Variants in DMD observed in about 807,000 individuals in gnomAD.
DMD encodes mutant dystrophin.
A neutral mutation model predicts 330.1 loss-of-function variants in DMD; 63 were observed. The ratio of observed to expected loss-of-function variants is 0.19; its 90% CI spans 0.16 to 0.24. The LOEUF (loss-of-function observed/expected upper bound fraction) is 0.24. Among genes scored for constraint, DMD ranks in the 10% least tolerant of loss-of-function variants. The probability of loss-of-function intolerance (pLI) is 1.00; values close to 1 mark genes in which losing one functional copy is unlikely to be tolerated. For synonymous variants in DMD, 1,223 were observed against 959.8 expected, an observed-to-expected ratio of 1.27 and a Z score of -5.07; for missense variants, 3,344 against 2,684.1, an observed-to-expected ratio of 1.25 and a Z score of -5.43.
intron 49 of DMD, among the ~76,000 whole-genome samples, chrX:31,830,167 C>T (rs2092989693): frequency 8.9e-6 from 1 of 112,688 alleles, no homozygotes; most frequent in Middle Eastern, 4.2e-3. Flanking sequence ...AAATCTTTAG[C>T]AATCATTCCT....
intron 47 of DMD, among the ~76,000 whole-genome samples, chrX:31,909,792 T>G (rs187892265): frequency 1.7e-3 from 186 of 112,579 alleles, no homozygotes; most frequent in Non-Finnish European, 2.8e-3. Flanking sequence ...ATAGTTTTCT[T>G]TCGTTTTTCT....
chrX:33,258,734 A>G (rs1419715564), intron 1 of DMD, among the ~76,000 whole-genome samples: 1 of 111,055 alleles, frequency 9.0e-6, no homozygotes, highest in Non-Finnish European at 1.9e-5. Context: ...ATCATTTTAC[A>G]CAGTCACTCC....
chrX:32,371,980 T>C (rs1350796236), intron 34 of DMD, among the ~76,000 whole-genome samples: 1 of 111,626 alleles, frequency 9.0e-6, no homozygotes, highest in African/African-American at 3.2e-5. Flanking sequence ...TAAGCTTAGA[T>C]TACTTTAAAA....
chrX:32,094,644 C>T (rs2096494681), intron 44 of DMD, among the ~76,000 whole-genome samples: 1 of 111,910 alleles, frequency 8.9e-6, no homozygotes, highest in African/African-American at 3.2e-5. Context: ...CATTCTATCA[C>T]TTTGCATAGG....
chrX:32,558,309 G>A (rs976800264), intron 16 of DMD, among the ~76,000 whole-genome samples: 1 of 111,720 alleles, frequency 9.0e-6, no homozygotes, highest in Non-Finnish European at 1.9e-5. Flanking sequence ...GATCCATCTG[G>A]CCTTCCTCTA....
At chrX:32,440,484 G>A (rs1231292594) in intron 28 of DMD, among the ~76,000 whole-genome samples, 1 of 111,090 alleles carries the variant, frequency 9.0e-6, no homozygotes, top group Non-Finnish European at 1.9e-5. Flanking sequence ...TAGATTTACA[G>A]AGGGGCTATA....
chrX:33,010,315 T>C (rs1253379485), intron 2 of DMD, among the ~76,000 whole-genome samples: 1 of 107,377 alleles, frequency 9.3e-6, no homozygotes, highest in African/African-American at 3.4e-5. Context: ...TGTACATATA[T>C]GTGTATAAAT....
At chrX:31,390,597 G>T (rs1296153508) in intron 60 of DMD, among the ~76,000 whole-genome samples, 1 of 111,122 alleles carries the variant, frequency 9.0e-6, no homozygotes, top group East Asian at 2.8e-4. Context: ...AATCCCTCAT[G>T]CCTGACATCT....
chrX:31,191,528 G>A (rs1175972243), intron 67 of DMD, among the ~76,000 whole-genome samples: 1 of 111,123 alleles, frequency 9.0e-6, no homozygotes, highest in South Asian at 3.9e-4. Context: ...TTCCTGCGCC[G>A]TTCTCGTGAT....
chrX:32,737,268 T>A lies in DMD; in HGVS notation c.650-37975A>T, dbSNP rs2068640962. On this transcript the variant is annotated intron_variant, in intron 7 of 78. Transcript: ENST00000357033. ...GGAATAAAATAATATCTTTTCTTATTTACATCCAGATTTCAAACTCCATTT... is the reference window on the plus strand; with the variant it reads ...GGAATAAAATAATATCTTTTCTTATATACATCCAGATTTCAAACTCCATTT... Among the ~76,000 whole-genome samples the A allele has an allele frequency of 4.5e-5, 5 of 111,335 alleles. No homozygotes were observed. In the Admixed American group the frequency reaches 4.8e-4, roughly 11 times the overall value.
intron 47 of DMD, among the ~76,000 whole-genome samples, chrX:31,895,476 T>C (rs1056961288): frequency 8.9e-6 from 1 of 112,116 alleles, no homozygotes; most frequent in African/African-American, 3.2e-5. Flanking sequence ...GGATGTTTCA[T>C]ATTTTTATTT....
Position 31,119,997 on chromosome X carries a change from G to A in DMD, c.*1922C>T. ...CCAAAGTGAGGTAGAAATAGCATGA[G>A]AAGCCGTGTTTGATGTTAATTAATT... is the stretch of plus-strand genomic sequence containing the variant. On this transcript the variant is annotated 3_prime_UTR_variant, in exon 79 of 79. Coordinates refer to ENST00000357033, the MANE Select transcript of DMD (RefSeq NM_004006.3). The A allele has an allele frequency of 9.0e-6, 1 of 110,536 alleles. No individual in the cohort carries two copies. 9.1% of individuals were successfully genotyped at this position (110,536 alleles called of 1,213,427 possible).
At chrX:32,229,767 A>T (rs2147969052) in intron 43 of DMD, among the ~76,000 whole-genome samples, 1 of 93,761 alleles carries the variant, frequency 1.1e-5, no homozygotes, top group South Asian at 5.8e-4. Flanking sequence ...CCACAAAACC[A>T]TCGCCACCAT....
chrX:31,662,171 G>A (rs1369177397), intron 53 of DMD, among the ~76,000 whole-genome samples: 1 of 111,696 alleles, frequency 9.0e-6, no homozygotes, highest in Non-Finnish European at 1.9e-5. Flanking sequence ...TTTGCTAAAT[G>A]GGAATATTAA....
chrX:32,491,689 G>T (rs2043012617), intron 19 of DMD, among the ~76,000 whole-genome samples, 171 bp from the exon 20 acceptor site: 1 of 112,018 alleles, frequency 8.9e-6, no homozygotes, highest in Non-Finnish European at 1.9e-5. Context: ...ATTATTCAAT[G>T]TGAATTATCA....
chrX:32,933,617 T>C (rs193115495), intron 2 of DMD, among the ~76,000 whole-genome samples: 67 of 111,435 alleles, frequency 6.0e-4, no homozygotes, highest in African/African-American at 2.2e-3. Context: ...AATGGATCTA[T>C]CCAGAAAAAA....
At chrX:32,785,657 T>C (rs2075289084) in intron 7 of DMD, among the ~76,000 whole-genome samples, 1 of 111,875 alleles carries the variant, frequency 8.9e-6, no homozygotes, top group African/African-American at 3.2e-5. Flanking sequence ...TTACTTAGGT[T>C]ATAACAATTT....
chrX:31,295,983 C>CTTTT (rs150166970), intron 62 of DMD, among the ~76,000 whole-genome samples: 1 of 92,915 alleles, frequency 1.1e-5, no homozygotes. Context: ...CAAAAAGTGA[C>CTTTT]TTTTTTTTTT....
intron 51 of DMD, among the ~76,000 whole-genome samples, chrX:31,769,502 A>C (rs10521979): frequency 0.13 from 14,583 of 111,622 alleles, 698 homozygotes; most frequent in East Asian, 0.19. Flanking sequence ...GTTGCTTTAG[A>C]TCAGCTGTAT....
Sources: gnomAD v4.1 joint callset for allele counts (sites outside exome capture counted in the v4.1 genomes callset) on GRCh38, gnomAD v4.1.1 for gene constraint, MANE v1.5 for transcripts, NCBI Gene and HGNC (gene_info 2026-07-23, HGNC 2026-07-21) for gene names.